The following CRISP2 variants were observed in gnomAD, a reference collection of about 807,000 sequenced individuals.
CRISP2 encodes cysteine rich secretory protein 2.
In CRISP2, 29 loss-of-function variants were observed where a neutral mutation model predicts 31.7. That is an observed-to-expected ratio of 0.92 (90% confidence interval 0.68 to 1.25). CRISP2 has a LOEUF of 1.25. CRISP2 is among the 50% of genes most tolerant of loss of function. CRISP2 has a pLI of 0.00. For synonymous variants in CRISP2, 111 were observed against 101.4 expected (o/e 1.09, Z -0.57); for missense variants, 318 against 286.5 (o/e 1.11, Z -0.79).
intron 3 of CRISP2, among the ~76,000 whole-genome samples, chr6:49,709,739 G>C (rs567822172): frequency 6.6e-6 from 1 of 152,284 alleles, no homozygotes; most frequent in Non-Finnish European, 1.5e-5. Flanking sequence ...TTCCCTAATG[G>C]AGTAACTAGA....
chr6:49,701,847 T>G (rs1165468616), intron 4 of CRISP2, among the ~76,000 whole-genome samples: 12 of 87,414 alleles, frequency 1.4e-4, no homozygotes, highest in Non-Finnish European at 2.2e-4. Context: ...ATAATATATA[T>G]TATATAATAT....
chr6:49,697,783 G>A, intron 8 of CRISP2, 77 bp downstream of exon 8: 3 of 1,602,940 alleles, frequency 1.9e-6, no homozygotes, highest in South Asian at 1.1e-5. Context: ...TTTTCATTCT[G>A]GTTTAAGATA....
At chr6:49,687,225 C>T in the CRISP2 span, among the ~76,000 whole-genome samples, 3 of 152,092 alleles carry the variant, frequency 2.0e-5, no homozygotes, top group South Asian at 4.1e-4. Context: ...TCAGTACTGT[C>T]TATAAGCCTA....
chr6:49,699,761 T>G (rs201501876), intron 6 of CRISP2, 43 bp downstream of exon 6: 8 of 1,328,544 alleles, frequency 6.0e-6, no homozygotes, highest in Non-Finnish European at 8.6e-6. Flanking sequence ...TATTATTATT[T>G]TATTCATTTA....
chr6:49,685,834 A>T, the CRISP2 span, among the ~76,000 whole-genome samples: 1 of 152,074 alleles, frequency 6.6e-6, no homozygotes, highest in South Asian at 2.1e-4. Context: ...GCTTTCCCCC[A>T]CTTCTTAATT....
chr6:49,699,729 T>C (rs1765339005), intron 6 of CRISP2, 75 bp downstream of exon 6: 5 of 1,041,802 alleles, frequency 4.8e-6, no homozygotes, highest in Admixed American at 2.1e-5. Context: ...GTCTTCTTAT[T>C]ATAGAGCATC....
chr6:49,709,163 C>G lies in CRISP2; in HGVS notation c.34G>C (p.Val12Leu), dbSNP rs754870765. ...ALLPVLFLVTVLLPSLPAEGK... is the reference protein window; with the variant it reads ...ALLPVLFLVTLLLPSLPAEGK... Reference sequence around the variant, plus strand: ...TCTGCAGGTAAAGATGGAAGCAGCACAGTAACCAGAAACAACACCGGTAGT... The same window carrying G: ...TCTGCAGGTAAAGATGGAAGCAGCAGAGTAACCAGAAACAACACCGGTAGT... The change falls in exon 4 of 10, where the codon GTG becomes CTG. Residue 12 changes from valine (V) to leucine (L), a missense_variant. By Grantham distance (32) the Val-to-Leu change is conservative. Coordinates refer to ENST00000339139, the MANE Select transcript of CRISP2 (RefSeq NM_003296.4). 2.2e-5 allele frequency: 35 copies of G among 1,613,610 alleles called. No homozygotes were observed. The East Asian group carries it at 4.0e-4, about 18-fold the overall frequency.
chr6:49,678,140 T>G, the CRISP2 span, among the ~76,000 whole-genome samples: 1 of 152,090 alleles, frequency 6.6e-6, no homozygotes, highest in Non-Finnish European at 1.5e-5. Context: ...AAATAATATC[T>G]AAAATAGAAT....
chr6:49,697,012 G>C (rs1764877714), intron 8 of CRISP2, among the ~76,000 whole-genome samples: 1 of 152,028 alleles, frequency 6.6e-6, no homozygotes, highest in African/African-American at 2.4e-5. Context: ...AATCCTAATA[G>C]GTACTTTAAA....
chr6:49,703,417 T>C (rs1766457018), intron 4 of CRISP2, among the ~76,000 whole-genome samples: 2 of 152,276 alleles, frequency 1.3e-5, no homozygotes, highest in Non-Finnish European at 2.9e-5. Flanking sequence ...GGCAGTATGG[T>C]CATTCTTACA....
chr6:49,689,682 A>G (rs802067), downstream of CRISP2, among the ~76,000 whole-genome samples: 150,890 of 152,218 alleles, frequency 0.99, 74,792 homozygotes, highest in East Asian at 1. Flanking sequence ...TATTAAAAAG[A>G]AACAAAATGT....
At chr6:49,687,208 A>G in the CRISP2 span, among the ~76,000 whole-genome samples, 2 of 152,226 alleles carry the variant, frequency 1.3e-5, no homozygotes, top group Admixed American at 6.5e-5. Flanking sequence ...ATTTTTAAAT[A>G]CAATTATCAG....
At chr6:49,705,433 A>T (rs998328791) in intron 4 of CRISP2, among the ~76,000 whole-genome samples, 1 of 152,178 alleles carries the variant, frequency 6.6e-6, no homozygotes, top group Admixed American at 6.5e-5. Flanking sequence ...GGTCCAGGCT[A>T]CAACCCTCCC....
At chr6:49,695,287 T>C (rs1764556243) in intron 9 of CRISP2, among the ~76,000 whole-genome samples, 1 of 152,164 alleles carries the variant, frequency 6.6e-6, no homozygotes, top group Non-Finnish European at 1.5e-5. Context: ...AGTTTTGTCA[T>C]AAAAATGTAC....
At chr6:49,685,194 T>C in the CRISP2 span, among the ~76,000 whole-genome samples, 1 of 152,206 alleles carries the variant, frequency 6.6e-6, no homozygotes, top group African/African-American at 2.4e-5. Flanking sequence ...CATGAAATGG[T>C]GTTTTCTGAA....
chr6:49,705,892 CAG>C (rs1366350337), intron 4 of CRISP2, among the ~76,000 whole-genome samples: 2 of 152,130 alleles, frequency 1.3e-5, no homozygotes, highest in African/African-American at 2.4e-5. Context: ...AGCTATCTCA[CAG>C]AGTTTGTAGC....
chr6:49,704,271 A>T (rs1404723778), intron 4 of CRISP2, among the ~76,000 whole-genome samples: 1 of 151,814 alleles, frequency 6.6e-6, no homozygotes, highest in Non-Finnish European at 1.5e-5. Context: ...ATTACTTTTT[A>T]AATTTTTTTG....
intron 6 of CRISP2, among the ~76,000 whole-genome samples, chr6:49,698,973 C>T (rs373051357): frequency 5.6e-4 from 85 of 152,136 alleles, no homozygotes; most frequent in African/African-American, 2.0e-3. Context: ...GAGTCCCAAT[C>T]AAGAGAAAAC....
Position 49,692,361 on chromosome 6 carries a change from A to G in CRISP2, c.*412T>C, listed in dbSNP as rs1764098096. On this transcript the variant is annotated 3_prime_UTR_variant, in exon 10 of 10. Coordinates refer to ENST00000339139, the MANE Select transcript of CRISP2 (RefSeq NM_003296.4). ...AAAGAAAGGTCATTAAGACAACGGCAGATGTAAAGCTTTGAATTTATTGTT... is the reference window on the plus strand; with the variant it reads ...AAAGAAAGGTCATTAAGACAACGGCGGATGTAAAGCTTTGAATTTATTGTT... 1 of 153,658 alleles carries G rather than the reference A, an allele frequency of 6.5e-6. No individual in the cohort carries two copies. Among genetic ancestry groups the G allele is most frequent in the Admixed American group, 6.5e-5 (1 of 15,338 alleles). The allele number at this position is 153,658 out of a possible 1,614,324, so 9.5% of individuals were successfully genotyped here. A position where few individuals can be genotyped will look rare whatever the true frequency, so the allele number is the denominator to read the frequency against.
Sources: allele counts gnomAD v4.1 joint callset (sites outside exome capture counted in the v4.1 genomes callset), GRCh38; gene constraint gnomAD v4.1.1; transcripts MANE v1.5; gene names NCBI Gene and HGNC (gene_info 2026-07-23, HGNC 2026-07-21).